The following PDE9A variants were observed in gnomAD, a reference collection of about 807,000 sequenced individuals.
PDE9A encodes phosphodiesterase 9A, also known as high affinity cGMP-specific 3',5'-cyclic phosphodiesterase 9A.
Under a neutral mutation model 87.4 loss-of-function variants are expected in PDE9A, and 60 were observed. That is an observed-to-expected ratio of 0.69 (90% CI 0.56 to 0.85). The LOEUF (loss-of-function observed/expected upper bound fraction) is 0.85, where lower values mean the gene tolerates loss of function less well. Ranked by LOEUF, PDE9A falls within the 40% of genes least tolerant of loss-of-function variation. PDE9A has a pLI of 0.00. For missense variants in PDE9A, 665 were observed against 779.0 expected, an observed-to-expected ratio of 0.85 and a Z score of 1.74; for synonymous variants, 272 against 279.4, an observed-to-expected ratio of 0.97 and a Z score of 0.27.
intron 17 of PDE9A, among the ~76,000 whole-genome samples, chr21:42,769,669 CAA>C (rs1168798200): frequency 2.4e-5 from 1 of 41,352 alleles, no homozygotes; most frequent in Non-Finnish European, 4.2e-5. Context: ...CATAGGCACA[CAA>C]ATGCACACAC....
chr21:42,688,524 G>A (rs1270912227), intron 3 of PDE9A, among the ~76,000 whole-genome samples: 1 of 152,206 alleles, frequency 6.6e-6, no homozygotes, highest in Admixed American at 6.5e-5. Context: ...TCAAGCCAGC[G>A]GTGTATGGCC....
chr21:42,743,235 A>ATTTCTCTTTATTTC (rs1251501316), intron 7 of PDE9A, among the ~76,000 whole-genome samples: 10 of 152,150 alleles, frequency 6.6e-5, no homozygotes, highest in African/African-American at 2.4e-4. Context: ...AACTTTGCCT[A>ATTTCTCTTTATTTC]TTTATTTCTC....
At chr21:42,661,246 G>T (rs1601870156) in intron 1 of PDE9A, among the ~76,000 whole-genome samples, 1 of 151,632 alleles carries the variant, frequency 6.6e-6, no homozygotes, top group Non-Finnish European at 1.5e-5. Context: ...GACCAGGCTG[G>T]TCTCGAACTC....
chr21:42,774,087 TATAA>T (rs1216817401), intron 19 of PDE9A, among the ~76,000 whole-genome samples: 2 of 151,780 alleles, frequency 1.3e-5, no homozygotes, highest in East Asian at 1.9e-4. Context: ...TCAAAAAAAA[TATAA>T]ATAAATAAGT....
chr21:42,661,637 G>A (rs1040919614), intron 1 of PDE9A, among the ~76,000 whole-genome samples: 8 of 152,196 alleles, frequency 5.3e-5, no homozygotes, highest in African/African-American at 1.2e-4. Flanking sequence ...ATTCAAAACG[G>A]ATGAATCGAT....
At chr21:42,725,201 C>T (rs1170670643) in intron 4 of PDE9A, among the ~76,000 whole-genome samples, 3 of 152,142 alleles carry the variant, frequency 2.0e-5, no homozygotes, top group African/African-American at 7.2e-5. Context: ...GATCCCTGTC[C>T]CCTGGCAACC....
At position 42,750,161 on chromosome 21, in the gene PDE9A, T is replaced by A. The variant is rs2054270578; in HGVS notation, c.654-955T>A. The stretch of plus-strand genomic sequence containing the variant: ...TCAAAAATAAATAAATAAATAAAAA[T>A]TTTAAAAAGTACAAAGGGGCGGGGT... On this transcript the variant is annotated intron_variant, in intron 8 of 19. Transcript: ENST00000291539. Among the ~76,000 whole-genome samples, 4 of 151,858 alleles carry A rather than the reference T, an allele frequency of 2.6e-5. No homozygotes were observed. In the South Asian group the frequency reaches 8.3e-4, roughly 32 times the overall value.
At chr21:42,667,217 A>G (rs1347455330) in intron 1 of PDE9A, among the ~76,000 whole-genome samples, 1 of 152,214 alleles carries the variant, frequency 6.6e-6, no homozygotes, top group East Asian at 1.9e-4. Flanking sequence ...AGGAAGTTGG[A>G]TGAGGGGGTC....
chr21:42,669,318 G>A (rs1201202671), intron 1 of PDE9A, among the ~76,000 whole-genome samples: 1 of 152,136 alleles, frequency 6.6e-6, no homozygotes. Context: ...AATTGCGGCC[G>A]CATCACACCA....
At chr21:42,773,612 T>C (rs1372520147) in intron 19 of PDE9A, among the ~76,000 whole-genome samples, 1 of 151,758 alleles carries the variant, frequency 6.6e-6, no homozygotes, top group East Asian at 1.9e-4. Flanking sequence ...CCATCCTGGC[T>C]AACACGGTGA....
chr21:42,701,449 G>C (rs2048376656), intron 4 of PDE9A, among the ~76,000 whole-genome samples: 1 of 150,014 alleles, frequency 6.7e-6, no homozygotes. Flanking sequence ...TTTTCAAAGA[G>C]AGAGAGAGAT....
chr21:42,748,214 A>AT lies in PDE9A; in HGVS notation c.654-2894dup, dbSNP rs556001409. ...CGAAGAAATCATCATCATGCCATCTATTTTTTTTAACTACGCAGAAAACGT... is the reference window on the plus strand; with the variant it reads ...CGAAGAAATCATCATCATGCCATCTATTTTTTTTTAACTACGCAGAAAACGT... On this transcript the variant is annotated intron_variant, in intron 8 of 19. Coordinates refer to ENST00000291539, the MANE Select transcript of PDE9A (RefSeq NM_002606.3). 1.9e-3 allele frequency among the ~76,000 whole-genome samples: 290 copies of AT among 152,250 alleles called. 1 individual carries two copies. The highest frequency in any genetic ancestry group is 5.8e-3 in the African/African-American group (241 of 41,554).
intron 4 of PDE9A, among the ~76,000 whole-genome samples, chr21:42,712,846 A>G (rs1358514452): frequency 1.3e-5 from 2 of 152,008 alleles, no homozygotes; most frequent in Admixed American, 6.6e-5. Flanking sequence ...GAGGTATTGG[A>G]TTTTGTTCCA....
At chr21:42,661,063 G>GCA (rs1198597022) in intron 1 of PDE9A, among the ~76,000 whole-genome samples, 60 of 146,950 alleles carry the variant, frequency 4.1e-4, no homozygotes, top group Non-Finnish European at 1.0e-4. Flanking sequence ...ATGGAGTCTC[G>GCA]CTCTGTCGCC....
intron 1 of PDE9A, among the ~76,000 whole-genome samples, chr21:42,673,843 G>A (rs556001983): frequency 6.1e-4 from 93 of 152,366 alleles, no homozygotes; most frequent in African/African-American, 2.1e-3. Context: ...ACGCTGCCCT[G>A]CGACTCGCTG....
chr21:42,739,588 C>T lies in PDE9A; in HGVS notation c.569-4188C>T, dbSNP rs1226319055. Reference sequence around the variant, plus strand: ...ACTCACTATCCATCTACTTGGCCAACAGCCTCTTCATAAACTTAATTGCCA... The same window carrying T: ...ACTCACTATCCATCTACTTGGCCAATAGCCTCTTCATAAACTTAATTGCCA... On this transcript the variant is annotated intron_variant, in intron 7 of 19. Coordinates refer to ENST00000291539, the MANE Select transcript of PDE9A (RefSeq NM_002606.3). This position sits in a 1 kb window ranked among gnomAD's most constrained non-coding sequence, Gnocchi z 4.1. Among the ~76,000 whole-genome samples, 2 of 152,240 alleles carry T rather than the reference C, an allele frequency of 1.3e-5. No individual in the cohort carries two copies. Among genetic ancestry groups the T allele is most frequent in the Non-Finnish European group, 2.9e-5 (2 of 68,044 alleles).
intron 7 of PDE9A, among the ~76,000 whole-genome samples, chr21:42,737,324 A>G (rs1569223345): frequency 1.3e-5 from 2 of 152,276 alleles, no homozygotes; most frequent in Non-Finnish European, 2.9e-5. Flanking sequence ...TCAGGATGTC[A>G]CATATACATG....
In PDE9A at chr21:42,739,230, C is replaced by G. The variant is rs940239547; in HGVS notation, c.569-4546C>G. On this transcript the variant is annotated intron_variant, in intron 7 of 19. Transcript: ENST00000291539. The surrounding 1 kb of genome is among the most constrained non-coding windows in gnomAD (Gnocchi z 4.1). ...AGCGGGCCATGATGGGCAGAGCCGA[C>G]GTCCAGGCTCCACGGTAGGGCCGTC... 6.6e-6 allele frequency among the ~76,000 whole-genome samples: 1 copy of G among 152,218 alleles called. No individual in the cohort carries two copies.
At chr21:42,656,883 CCTGTGCTG>C (rs1277768796) in intron 1 of PDE9A, among the ~76,000 whole-genome samples, 10 of 152,208 alleles carry the variant, frequency 6.6e-5, no homozygotes, top group African/African-American at 2.4e-4. Context: ...ACTCTGTGCC[CCTGTGCTG>C]CTGTGCTAAT....
Sources: gnomAD v4.1 joint callset for allele counts (sites outside exome capture counted in the v4.1 genomes callset) on GRCh38, gnomAD v4.1.1 for gene constraint, Gnocchi (gnomAD v3.1) non-coding constraint, MANE v1.5 for transcripts, NCBI Gene and HGNC (gene_info 2026-07-23, HGNC 2026-07-21) for gene names.